B3GALNT2: variants seen among roughly 807,000 people sequenced by gnomAD.
B3GALNT2 encodes the protein beta-1,3-N-acetylgalactosaminyltransferase 2.
B3GALNT2 carries 53 observed loss-of-function variants against 61.1 expected under a neutral mutation model. That is an observed-to-expected ratio of 0.87 (90% confidence interval 0.70 to 1.09). The LOEUF is 1.09. Ranked by LOEUF, B3GALNT2 falls within the 50% of genes least tolerant of loss-of-function variation. The pLI is 0.00. For synonymous variants in B3GALNT2, 223 were observed against 237.4 expected (o/e 0.94, Z 0.56); for missense variants, 544 against 623.0 (o/e 0.87, Z 1.35).
rs985592199 is a variant in B3GALNT2 at position 235,504,308 on chromosome 1, C to A, written c.-56G>T. ...CGCGTCCCGGCGGAGAGGGAGGGGA[C>A]CTGCAAGTGCGGAGACTGAGGGGCG... On this transcript the variant is annotated 5_prime_UTR_variant, in exon 1 of 12. Coordinates refer to ENST00000366600, the MANE Select transcript of B3GALNT2 (RefSeq NM_152490.5). The A allele has an allele frequency of 3.1e-5, 46 of 1,464,096 alleles. No homozygotes were observed. The South Asian group carries it at 5.4e-4, about 17-fold the overall frequency. 90.7% of individuals were successfully genotyped at this position (1,464,096 alleles called of 1,614,324 possible).
intron 5 of B3GALNT2, among the ~76,000 whole-genome samples, chr1:235,473,003 G>A (rs1251716954): frequency 6.6e-6 from 1 of 152,066 alleles, no homozygotes; most frequent in African/African-American, 2.4e-5. Context: ...CCACCTCCCA[G>A]GTCCTGGTTC....
intron 5 of B3GALNT2, among the ~76,000 whole-genome samples, chr1:235,472,931 C>T (rs774622738): frequency 1.3e-5 from 2 of 151,850 alleles, no homozygotes; most frequent in Non-Finnish European, 2.9e-5. Flanking sequence ...TTTTTTGAGA[C>T]GGAGTCTCAC....
chr1:235,452,761 C>T (rs964275548), intron 11 of B3GALNT2, among the ~76,000 whole-genome samples: 1 of 151,990 alleles, frequency 6.6e-6, no homozygotes, highest in Non-Finnish European at 1.5e-5. Context: ...ACCATGTTGC[C>T]CAGGCTGGTC....
At chr1:235,500,714 G>C (rs1189758398) in intron 1 of B3GALNT2, among the ~76,000 whole-genome samples, 1 of 152,084 alleles carries the variant, frequency 6.6e-6, no homozygotes, top group Non-Finnish European at 1.5e-5. Context: ...CACCACACTA[G>C]CACAGGCATC....
intron 7 of B3GALNT2, chr1:235,464,067 T>C (rs1398656225): frequency 2.0e-5 from 3 of 152,228 alleles, no homozygotes; most frequent in African/African-American, 7.2e-5. Context: ...CTCTATTTCA[T>C]GCCATATATG....
At chr1:235,446,167 A>G (rs1682259815), downstream of B3GALNT2, among the ~76,000 whole-genome samples, 2 of 151,010 alleles carry the variant, frequency 1.3e-5, no homozygotes, top group South Asian at 4.2e-4. Context: ...TCAATATATT[A>G]TAAAACCTAT....
intron 5 of B3GALNT2, among the ~76,000 whole-genome samples, chr1:235,471,173 T>A (rs1683989395): frequency 6.6e-6 from 1 of 152,194 alleles, no homozygotes; most frequent in South Asian, 2.1e-4. Flanking sequence ...ACAAAGAGTA[T>A]ATACACAATT....
chr1:235,492,222 A>C (rs1166477798), intron 2 of B3GALNT2, among the ~76,000 whole-genome samples: 1 of 152,240 alleles, frequency 6.6e-6, no homozygotes, highest in Non-Finnish European at 1.5e-5. Context: ...TTCATAGATA[A>C]CTAGCATTTG....
downstream of B3GALNT2, chr1:235,443,066 A>G: frequency 1.3e-6 from 1 of 751,700 alleles, no homozygotes; most frequent in East Asian, 2.8e-5. Flanking sequence ...ACAATCAATC[A>G]TGCTAATATC....
intron 8 of B3GALNT2, among the ~76,000 whole-genome samples, chr1:235,458,341 G>A (rs1683262476): frequency 6.6e-6 from 1 of 152,086 alleles, no homozygotes; most frequent in Non-Finnish European, 1.5e-5. Flanking sequence ...CCTTAGGTTT[G>A]TTTTTATTTG....
intron 4 of B3GALNT2, among the ~76,000 whole-genome samples, chr1:235,482,813 C>T (rs1253735879): frequency 3.3e-5 from 5 of 151,932 alleles, no homozygotes; most frequent in African/African-American, 1.2e-4. Context: ...GGTAAAAGAG[C>T]GAGACCCTGT....
chr1:235,493,575 C>T (rs912991620), intron 2 of B3GALNT2, among the ~76,000 whole-genome samples: 4 of 151,812 alleles, frequency 2.6e-5, no homozygotes, highest in African/African-American at 9.7e-5. Context: ...GTCAGGAGTT[C>T]GAGACCAGCC....
At chr1:235,442,937 C>G, downstream of B3GALNT2, 1 of 1,613,210 alleles carries the variant, frequency 6.2e-7, no homozygotes, top group Non-Finnish European at 8.5e-7. Flanking sequence ...CTGTCTTTTC[C>G]TTAAACTCTG....
chr1:235,489,068 A>T lies in B3GALNT2; in HGVS notation c.361+100T>A, dbSNP rs534309289. 1.8e-5 allele frequency: 25 copies of T among 1,387,200 alleles called. No homozygotes were observed. In the Admixed American group the frequency reaches 2.5e-4, roughly 14 times the overall value. 85.9% of individuals were successfully genotyped at this position (1,387,200 alleles called of 1,614,324 possible). A position where few individuals can be genotyped will look rare whatever the true frequency, so the allele number is the denominator to read the frequency against. On this transcript the variant is annotated intron_variant, in intron 3 of 11. Coordinates refer to ENST00000366600, the MANE Select transcript of B3GALNT2 (RefSeq NM_152490.5). Reference sequence around the variant, plus strand: ...CTGTCTCTAAAACACATAATAAAATAAAATAATAAAAAATAAAAACAGACT... The same window carrying T: ...CTGTCTCTAAAACACATAATAAAATTAAATAATAAAAAATAAAAACAGACT...
In B3GALNT2 at chr1:235,455,694, C is replaced by G; in HGVS notation, c.1026-10G>C. The stretch of plus-strand genomic sequence containing the variant: ...CGTTGTTTCCACAGTCCTGTTGACA[C>G]AAAAGGGATAAGAAAGTCAGTGCGA... On this transcript the variant is annotated splice_polypyrimidine_tract_variant and intron_variant, in intron 8 of 11. Coordinates refer to ENST00000366600, the MANE Select transcript of B3GALNT2 (RefSeq NM_152490.5). 8 of 1,605,560 alleles carry G rather than the reference C, an allele frequency of 5.0e-6. No individual in the cohort carries two copies. Among genetic ancestry groups the G allele is most frequent in the Non-Finnish European group, 6.0e-6 (7 of 1,172,900 alleles).
chr1:235,480,013 G>A (rs1238732056), intron 5 of B3GALNT2, 41 bp downstream of exon 5: 1 of 1,610,160 alleles, frequency 6.2e-7, no homozygotes, highest in Admixed American at 1.7e-5. Flanking sequence ...CTCCTATGAA[G>A]GACTGCATTG....
intron 5 of B3GALNT2, chr1:235,478,781 T>C (rs1334876145): frequency 1.3e-5 from 2 of 152,224 alleles, no homozygotes; most frequent in South Asian, 4.1e-4. Flanking sequence ...AATTATAAAG[T>C]AGAATGAACG....
At chr1:235,501,386 C>T (rs1428166221) in intron 1 of B3GALNT2, among the ~76,000 whole-genome samples, 1 of 152,214 alleles carries the variant, frequency 6.6e-6, no homozygotes, top group African/African-American at 2.4e-5. Flanking sequence ...GGTCCCTGCT[C>T]AACTGTTACC....
At chr1:235,494,620 C>A in intron 2 of B3GALNT2, 61 bp downstream of exon 2, 1 of 1,532,392 alleles carries the variant, frequency 6.5e-7, no homozygotes, top group Non-Finnish European at 9.0e-7. Context: ...CCACGCCTGG[C>A]TAGGTTTTTC....
Sources: gnomAD v4.1 joint callset for allele counts (sites outside exome capture counted in the v4.1 genomes callset) on GRCh38, gnomAD v4.1.1 for gene constraint, MANE v1.5 for transcripts, NCBI Gene and HGNC (gene_info 2026-07-23, HGNC 2026-07-21) for gene names.